Variants in ARL13B observed in about 807,000 individuals in gnomAD.
The protein encoded by ARL13B is ADP-ribosylation factor-like protein 13B.
ARL13B carries 36 observed loss-of-function variants against 56.1 expected under a neutral mutation model. The observed-to-expected ratio is 0.64, with a 90% CI of 0.49 to 0.85. The LOEUF is 0.85. ARL13B is among the 40% of genes least tolerant of loss of function. The probability of loss-of-function intolerance (pLI) is 0.00; values close to 1 mark genes in which losing one functional copy is unlikely to be tolerated. For missense variants in ARL13B, 519 were observed against 507.1 expected, an observed-to-expected ratio of 1.02 and a Z score of -0.23; for synonymous variants, 178 against 171.1, an observed-to-expected ratio of 1.04 and a Z score of -0.32.
chr3:93,994,547 G>A lies in ARL13B; in HGVS notation c.60-1327G>A, dbSNP rs2075933125. On this transcript the variant is annotated intron_variant, in intron 1 of 9. Coordinates refer to ENST00000394222, the MANE Select transcript of ARL13B (RefSeq NM_001174150.2). ...TCTAAAATGTAAGCTTAATAAGGAA[G>A]AGTTTCTTTATCTGTTTTTGTTTGT... is the stretch of plus-strand genomic sequence containing the variant. 2.6e-5 allele frequency among the ~76,000 whole-genome samples: 4 copies of A among 152,128 alleles called. No individual in the cohort carries two copies. In the South Asian group the frequency reaches 8.3e-4, roughly 31 times the overall value.
chr3:93,989,713 T>A (rs934300011), intron 1 of ARL13B, among the ~76,000 whole-genome samples: 1 of 152,172 alleles, frequency 6.6e-6, no homozygotes, highest in African/African-American at 2.4e-5. Context: ...TGAAAAGTAA[T>A]GTGCCATATA....
intron 6 of ARL13B, among the ~76,000 whole-genome samples, chr3:94,041,835 G>T (rs1361200662): frequency 6.6e-6 from 1 of 152,164 alleles, no homozygotes. Flanking sequence ...AGCACTTTGG[G>T]AGGCCGAGGT....
At chr3:93,984,222 G>C (rs1478837723) in intron 1 of ARL13B, among the ~76,000 whole-genome samples, 1 of 152,100 alleles carries the variant, frequency 6.6e-6, no homozygotes, top group Non-Finnish European at 1.5e-5. Flanking sequence ...TGGGTGTGGT[G>C]GTGGGCACCT....
rs1485110677 is a variant in ARL13B at position 94,003,731 on chromosome 3, C to A, written c.203C>A (p.Thr68Asn). Residue 68 changes from threonine to asparagine, a missense_variant, in exon 3 of 10, where the codon ACC (threonine) becomes AAC (asparagine). Physicochemically the swap from Thr to Asn is moderately conservative, Grantham distance 65 (BLOSUM62 0). Coordinates refer to ENST00000394222, the MANE Select transcript of ARL13B (RefSeq NM_001174150.2). Reference protein sequence around the residue: ...INLRQGKFEVTIFDLGGGIRI... With the variant: ...INLRQGKFEVNIFDLGGGIRI... ...CTTAGACAAGGAAAGTTTGAAGTCA[C>A]CATCTTTGACTTGGGAGGTGGAATA... 6.2e-7 allele frequency: 1 copy of A among 1,613,572 alleles called. No homozygotes were observed. Among genetic ancestry groups the A allele is most frequent in the Non-Finnish European group, 8.5e-7 (1 of 1,179,682 alleles).
chr3:94,029,838 T>C (rs930400888), intron 3 of ARL13B, among the ~76,000 whole-genome samples: 1 of 152,178 alleles, frequency 6.6e-6, no homozygotes, highest in African/African-American at 2.4e-5. Context: ...TTTGCAATTA[T>C]AGAAAATAGT....
At chr3:94,052,352 A>G (rs147006347) in intron 9 of ARL13B, among the ~76,000 whole-genome samples, 1 of 152,268 alleles carries the variant, frequency 6.6e-6, no homozygotes, top group African/African-American at 2.4e-5. Context: ...CTTACTGTAG[A>G]ATATATGACA....
chr3:94,052,080 T>C (rs2077075446), intron 9 of ARL13B, among the ~76,000 whole-genome samples: 1 of 152,136 alleles, frequency 6.6e-6, no homozygotes. Context: ...ACACAACTCT[T>C]AGTGAACTTG....
At chr3:94,007,916 A>G (rs2076161096) in intron 3 of ARL13B, among the ~76,000 whole-genome samples, 1 of 152,178 alleles carries the variant, frequency 6.6e-6, no homozygotes. Context: ...TTCTTCTGAA[A>G]TAAGTGGTGA....
chr3:94,044,575 C>G (rs1326348585), intron 7 of ARL13B, among the ~76,000 whole-genome samples: 15 of 139,468 alleles, frequency 1.1e-4, no homozygotes, highest in African/African-American at 4.1e-4. Flanking sequence ...TGGCCGCCAC[C>G]GCATCTGGGA....
In ARL13B at chr3:94,045,447, T is replaced by TA. The variant is rs1047984463; in HGVS notation, c.1024+2222dup. On this transcript the variant is annotated intron_variant, in intron 7 of 9. Transcript: ENST00000394222. ...ACACCCAAGAATGATCAATAAATAC[T>TA]AAAAAAAAAAAAAAAGAAAGAAAGA... is the stretch of plus-strand genomic sequence containing the variant. Among the ~76,000 whole-genome samples the TA allele has an allele frequency of 6.5e-3, 476 of 73,544 alleles. 1 individual carries two copies. The highest frequency in any genetic ancestry group is 0.02 in the East Asian group (61 of 3,024). 48.2% of individuals were successfully genotyped at this position (73,544 alleles called of 152,430 possible). A position where few individuals can be genotyped will look rare whatever the true frequency, so the allele number is the denominator to read the frequency against.
At chr3:94,017,260 A>G (rs1445951442) in intron 3 of ARL13B, among the ~76,000 whole-genome samples, 1 of 152,224 alleles carries the variant, frequency 6.6e-6, no homozygotes, top group Non-Finnish European at 1.5e-5. Flanking sequence ...AGGTCTGTGT[A>G]TGCAAGTGAG....
At chr3:94,007,379 A>G (rs1262046626) in intron 3 of ARL13B, among the ~76,000 whole-genome samples, 3 of 152,240 alleles carry the variant, frequency 2.0e-5, no homozygotes, top group African/African-American at 7.2e-5. Flanking sequence ...CAAGCCTGAC[A>G]GCATGTTGTG....
chr3:94,009,585 T>G (rs1242869114), intron 3 of ARL13B, among the ~76,000 whole-genome samples: 2 of 152,072 alleles, frequency 1.3e-5, no homozygotes, highest in Non-Finnish European at 2.9e-5. Context: ...GATATGGAAT[T>G]ACGGTCTGCC....
At chr3:94,048,580 A>G (rs1400883637) in intron 7 of ARL13B, among the ~76,000 whole-genome samples, 1 of 151,110 alleles carries the variant, frequency 6.6e-6, no homozygotes, top group Non-Finnish European at 1.5e-5. Context: ...TTATTTGTTT[A>G]TTTACTTATT....
chr3:94,050,893 G>T lies in ARL13B; in HGVS notation c.1210+1G>T, dbSNP rs1057414428. ...CCTCTTGGTGAAACACATCATAATG[G>T]TAATGCAAAAGGATTGGTTTTCAGA... On this transcript the variant is annotated splice_donor_variant, in intron 9 of 9. Transcript: ENST00000394222. LOFTEE classifies it high-confidence loss of function. 14 of 1,612,610 alleles carry T rather than the reference G, an allele frequency of 8.7e-6. No homozygotes were observed. The highest frequency in any genetic ancestry group is 1.1e-5 in the Non-Finnish European group (13 of 1,179,386).
chr3:94,029,949 G>C (rs1038050170), intron 3 of ARL13B, among the ~76,000 whole-genome samples: 8 of 152,136 alleles, frequency 5.3e-5, no homozygotes, highest in Non-Finnish European at 1.2e-4. Flanking sequence ...GTTTTAGGAA[G>C]AAAGGAAGGG....
intron 5 of ARL13B, among the ~76,000 whole-genome samples, chr3:94,037,690 A>G (rs1435510476): frequency 6.6e-6 from 1 of 151,776 alleles, no homozygotes; most frequent in Non-Finnish European, 1.5e-5. Flanking sequence ...CATGTTAAGT[A>G]TACCTTTTAT....
At chr3:94,052,814 A>G (rs933198498) in intron 9 of ARL13B, among the ~76,000 whole-genome samples, 16 of 152,298 alleles carry the variant, frequency 1.1e-4, no homozygotes, top group African/African-American at 3.8e-4. Flanking sequence ...TATTTGGGGT[A>G]AGAATCCAAA....
chr3:94,039,810 T>C, intron 5 of ARL13B, 70 bp from the exon 6 acceptor site: 5 of 1,270,858 alleles, frequency 3.9e-6, no homozygotes, highest in Non-Finnish European at 5.7e-6. Flanking sequence ...CTTATACCTA[T>C]TGCAGTTTTC....
Sources: allele counts gnomAD v4.1 joint callset (sites outside exome capture counted in the v4.1 genomes callset), GRCh38; gene constraint gnomAD v4.1.1; transcripts MANE v1.5; gene names NCBI Gene and HGNC (gene_info 2026-07-23, HGNC 2026-07-21).